Variants in OR2Z1 observed in about 807,000 individuals in gnomAD.
OR2Z1 encodes olfactory receptor family 2 subfamily Z member 1.
For synonymous variants in OR2Z1, 188 were observed against 160.6 expected (o/e 1.17, Z -1.29); for missense variants, 449 against 401.8 (o/e 1.12, Z -1.00).
At position 8,731,921 on chromosome 19, in the gene OR2Z1, G is replaced by A. The variant is rs1448940801; in HGVS notation, c.893G>A (p.Trp298Ter). 5 of 1,614,168 alleles carry A rather than the reference G, an allele frequency of 3.1e-6. No homozygotes were observed. Among genetic ancestry groups the A allele is most frequent in the Middle Eastern group, 1.6e-4 (1 of 6,062 alleles). Reference sequence around the variant, plus strand: ...TACAGTCTGAGGAATCCGGAGGTGTGGATGGCTTTGGTCAAAGTGCTTAGC... The same window carrying A: ...TACAGTCTGAGGAATCCGGAGGTGTAGATGGCTTTGGTCAAAGTGCTTAGC... ...LIYSLRNPEV[W>*]MALVKVLSRA... Residue 298 changes from tryptophan to a stop codon, truncating the protein, a stop_gained, in exon 3 of 3, where the codon TGG becomes TAG. Coordinates refer to ENST00000641125, the MANE Select transcript of OR2Z1 (RefSeq NM_001004699.3). LOFTEE classifies it low-confidence loss of function (END_TRUNC).
chr19:8,731,328 A>T lies in OR2Z1; in HGVS notation c.300A>T (p.Gln100His), dbSNP rs371214722. ...GATSYGGGAA[Q>H]IFFLTLMGVA... The stretch of plus-strand genomic sequence containing the variant: ...CCTCCTATGGAGGTGGTGCAGCTCA[A>T]ATATTCTTCCTCACACTGATGGGTG... The change falls in exon 3 of 3, where the codon CAA becomes CAT. Residue 100 changes from glutamine to histidine, a missense_variant. Coordinates refer to ENST00000641125, the MANE Select transcript of OR2Z1 (RefSeq NM_001004699.3). 1.5e-5 allele frequency: 25 copies of T among 1,613,816 alleles called. No individual in the cohort carries two copies. In the African/African-American group the frequency reaches 3.2e-4, roughly 21 times the overall value.
chr19:8,722,451 G>A (rs1256302111), intron 1 of OR2Z1, among the ~76,000 whole-genome samples: 2 of 152,198 alleles, frequency 1.3e-5, no homozygotes, highest in South Asian at 2.1e-4. Context: ...TGGTCACTCA[G>A]TGTCAGCAAA....
rs2043357360 is a variant in OR2Z1 at position 8,731,676 on chromosome 19, C to T, written c.648C>T (p.Thr216=). Residue 216 remains threonine (T), a synonymous_variant, in exon 3 of 3, where the codon ACC becomes ACT. Coordinates refer to ENST00000641125, the MANE Select transcript of OR2Z1 (RefSeq NM_001004699.3). Reference sequence around the variant, plus strand: ...TGCTCCCTCTTTCCCTCATCGCCACCTCCTACGGCCACGTGTTGCAGGCTG... The same window carrying T: ...TGCTCCCTCTTTCCCTCATCGCCACTTCCTACGGCCACGTGTTGCAGGCTG... ...ILMLPLSLIA[T]SYGHVLQAVL... 2 of 1,614,206 alleles carry T rather than the reference C, an allele frequency of 1.2e-6. No individual in the cohort carries two copies. Among genetic ancestry groups the T allele is most frequent in the South Asian group, 1.1e-5 (1 of 91,084 alleles).
At chr19:8,729,426 T>C (rs1555756482) in intron 2 of OR2Z1, among the ~76,000 whole-genome samples, 1 of 151,454 alleles carries the variant, frequency 6.6e-6, no homozygotes, top group Non-Finnish European at 1.5e-5. Flanking sequence ...TTTTTTTTTT[T>C]CTAAGACAAG....
chr19:8,724,705 G>A (rs1344139699), intron 2 of OR2Z1, among the ~76,000 whole-genome samples: 7 of 151,828 alleles, frequency 4.6e-5, no homozygotes, highest in Admixed American at 6.6e-5. Flanking sequence ...ACAGATGCTC[G>A]ACCACCTTCA....
Position 8,731,131 on chromosome 19 carries a change from T to A in OR2Z1, c.103T>A (p.Phe35Ile), listed in dbSNP as rs368656068. The A allele has an allele frequency of 3.7e-6, 6 of 1,613,966 alleles. No homozygotes were observed. The highest frequency in any genetic ancestry group is 1.1e-5 in the South Asian group (1 of 91,078). The stretch of plus-strand genomic sequence containing the variant: ...CCTCTTCTCCCTGGTGGCTGTCATG[T>A]TTGTCATAGGCCTTCTGGGCAACAC... ...QLLFSLVAVM[F>I]VIGLLGNTVL... Residue 35 changes from phenylalanine to isoleucine, a missense_variant, in exon 3 of 3, where the codon TTT becomes ATT. Phe to Ile is a conservative substitution (Grantham distance 21, BLOSUM62 0). Coordinates refer to ENST00000641125, the MANE Select transcript of OR2Z1 (RefSeq NM_001004699.3).
chr19:8,730,717 C>T (rs36240), intron 2 of OR2Z1, 143 bp from the exon 3 acceptor site: 122,770 of 351,798 alleles, frequency 0.35, 24,582 homozygotes, highest in Non-Finnish European at 0.43. Context: ...CACGTCCAGC[C>T]GAACCTCAAA....
chr19:8,731,613 C>T lies in OR2Z1; in HGVS notation c.585C>T (p.Tyr195=), dbSNP rs375318094. Residue 195 remains tyrosine, a synonymous_variant, in exon 3 of 3, where the codon TAC becomes TAT. Coordinates refer to ENST00000641125, the MANE Select transcript of OR2Z1 (RefSeq NM_001004699.3). ...LKLSCADTCA[Y]EMALSTSGVL... ...TCTCCTGTGCAGATACCTGTGCCTACGAGATGGCGCTGTCCACCTCAGGGG... is the reference window on the plus strand; with the variant it reads ...TCTCCTGTGCAGATACCTGTGCCTATGAGATGGCGCTGTCCACCTCAGGGG... 2.6e-5 allele frequency: 42 copies of T among 1,614,058 alleles called. No individual in the cohort carries two copies. Among genetic ancestry groups the T allele is most frequent in the African/African-American group, 2.0e-4 (15 of 75,010 alleles).
At chr19:8,727,467 A>AT (rs1408085677) in intron 2 of OR2Z1, among the ~76,000 whole-genome samples, 1 of 152,068 alleles carries the variant, frequency 6.6e-6, no homozygotes, top group Non-Finnish European at 1.5e-5. Context: ...AGACGAGTTA[A>AT]TGGGTGCAGC....
intron 2 of OR2Z1, among the ~76,000 whole-genome samples, chr19:8,725,699 A>G (rs2043324486): frequency 6.6e-6 from 1 of 152,204 alleles, no homozygotes; most frequent in Admixed American, 6.5e-5. Context: ...TAAAGCAGGC[A>G]ATTCTACTCT....
chr19:8,728,979 A>G (rs782367477), intron 2 of OR2Z1: 9 of 701,650 alleles, frequency 1.3e-5, no homozygotes, highest in Non-Finnish European at 1.8e-5. Context: ...CAACGTGATG[A>G]TTGCAGAGTG....
At chr19:8,727,751 A>C (rs1419184155) in intron 2 of OR2Z1, among the ~76,000 whole-genome samples, 1 of 152,158 alleles carries the variant, frequency 6.6e-6, no homozygotes, top group African/African-American at 2.4e-5. Context: ...CCTGTAATCC[A>C]AGCTACTTGG....
chr19:8,730,385 A>C (rs1422302794), intron 2 of OR2Z1, among the ~76,000 whole-genome samples: 1 of 151,974 alleles, frequency 6.6e-6, no homozygotes, highest in Non-Finnish European at 1.5e-5. Flanking sequence ...GGGGTATTGA[A>C]GCATTCCACC....
intron 2 of OR2Z1, among the ~76,000 whole-genome samples, chr19:8,723,878 G>T (rs782089292): frequency 6.6e-6 from 1 of 151,958 alleles, no homozygotes; most frequent in Non-Finnish European, 1.5e-5. Context: ...GGCCCTGAGG[G>T]TTGGCAAGTG....
chr19:8,729,411 GT>G (rs34124566), intron 2 of OR2Z1, among the ~76,000 whole-genome samples: 198 of 142,456 alleles, frequency 1.4e-3, no homozygotes, highest in East Asian at 6.8e-3. Flanking sequence ...CAATGAACAG[GT>G]TTTTTTTTTT....
At chr19:8,725,986 A>G (rs143292505) in intron 2 of OR2Z1, among the ~76,000 whole-genome samples, 1 of 152,094 alleles carries the variant, frequency 6.6e-6, no homozygotes, top group Non-Finnish European at 1.5e-5. Flanking sequence ...TGGGTGGAGG[A>G]GACGGAGTCT....
At chr19:8,725,903 A>G (rs2043325277) in intron 2 of OR2Z1, among the ~76,000 whole-genome samples, 1 of 152,172 alleles carries the variant, frequency 6.6e-6, no homozygotes. Context: ...ATCATGGTGG[A>G]AGATGAGGGA....
chr19:8,732,083 C>A lies in OR2Z1; in HGVS notation c.*110C>A. 1.2e-6 allele frequency: 1 copy of A among 823,786 alleles called. No homozygotes were observed. The highest frequency in any genetic ancestry group is 1.9e-6 in the Non-Finnish European group (1 of 517,070). 51.0% of individuals were successfully genotyped at this position (823,786 alleles called of 1,614,324 possible). A position where few individuals can be genotyped will look rare whatever the true frequency, so the allele number is the denominator to read the frequency against. ...TTTGTGCAACTGGCCAAATATCCAG[C>A]CATTGCCCAAGGTGCAACTTTTTGA... On this transcript the variant is annotated 3_prime_UTR_variant, in exon 3 of 3. Coordinates refer to ENST00000641125, the MANE Select transcript of OR2Z1 (RefSeq NM_001004699.3).
intron 2 of OR2Z1, among the ~76,000 whole-genome samples, chr19:8,725,522 C>T (rs1336770095): frequency 4.6e-5 from 7 of 152,130 alleles, no homozygotes; most frequent in African/African-American, 7.2e-5. Flanking sequence ...GGATTACAGG[C>T]GTGAGCCACT....
Sources: allele counts gnomAD v4.1 joint callset (sites outside exome capture counted in the v4.1 genomes callset), GRCh38; gene constraint gnomAD v4.1.1; transcripts MANE v1.5; gene names NCBI Gene and HGNC (gene_info 2026-07-23, HGNC 2026-07-21).